Variants in FARS2 observed in about 807,000 individuals in gnomAD.
The protein encoded by FARS2 is phenylalanine--tRNA ligase, mitochondrial.
In FARS2, 40 loss-of-function variants were observed where a neutral mutation model predicts 46.4. That is an observed-to-expected ratio of 0.86 (90% CI 0.67 to 1.12). The LOEUF is 1.12. Ranked by LOEUF, FARS2 falls within the 50% of genes most tolerant of loss-of-function variation. The pLI, the probability that FARS2 is intolerant of heterozygous loss-of-function variation, is 0.00. For missense variants in FARS2, 513 were observed against 567.9 expected (o/e 0.90, Z 0.98); for synonymous variants, 234 against 214.9 (o/e 1.09, Z -0.78).
chr6:5,594,620 C>G (rs1774096516), intron 5 of FARS2, among the ~76,000 whole-genome samples: 1 of 152,134 alleles, frequency 6.6e-6, no homozygotes, highest in African/African-American at 2.4e-5. Context: ...CACCCTGGGG[C>G]TGAGGGAACA....
At chr6:5,371,275 G>GT in intron 2 of FARS2, 4 of 656,778 alleles carry the variant, frequency 6.1e-6, no homozygotes, top group Non-Finnish European at 7.6e-6. Context: ...TAAACAAAAT[G>GT]TTTTTTCGTC....
At position 5,771,409 on chromosome 6, in the gene FARS2, G is replaced by T; in HGVS notation, c.1336G>T (p.Gly446Cys). ...ALQEAAVQLLGVEGRF is the reference protein window; with the variant it reads ...ALQEAAVQLLCVEGRF ...GCAGGAGGCTGCAGTCCAGCTGTTG[G>T]GTGTGGAGGGCAGGTTCTGATGTCA... is the stretch of plus-strand genomic sequence containing the variant. Residue 446 changes from glycine to cysteine, a missense_variant, in exon 7 of 7, where the codon GGT (glycine) becomes TGT (cysteine). Gly to Cys is a radical substitution (Grantham distance 159). Transcript: ENST00000274680. 6.2e-7 allele frequency: 1 copy of T among 1,614,098 alleles called. No homozygotes were observed. Among genetic ancestry groups the T allele is most frequent in the Non-Finnish European group, 8.5e-7 (1 of 1,179,998 alleles).
At chr6:5,387,263 A>G (rs1008174426) in intron 2 of FARS2, among the ~76,000 whole-genome samples, 1 of 152,204 alleles carries the variant, frequency 6.6e-6, no homozygotes, top group African/African-American at 2.4e-5. Flanking sequence ...GTGACGGGAT[A>G]GGGTATATCC....
intron 6 of FARS2, among the ~76,000 whole-genome samples, chr6:5,651,980 T>C (rs75322836): frequency 0.043 from 6,480 of 152,120 alleles, 313 homozygotes; most frequent in African/African-American, 0.11. Flanking sequence ...AAACAGAACG[T>C]TGCACAGAGA....
intron 6 of FARS2, among the ~76,000 whole-genome samples, chr6:5,761,289 A>G (rs1362551205): frequency 6.6e-6 from 1 of 152,194 alleles, no homozygotes; most frequent in Non-Finnish European, 1.5e-5. Context: ...GTGGATTGTA[A>G]TATAGCCTAA....
chr6:5,258,158 C>A (rs900295529), upstream of FARS2, among the ~76,000 whole-genome samples: 1 of 152,178 alleles, frequency 6.6e-6, no homozygotes, highest in Non-Finnish European at 1.5e-5. Context: ...ACAGGATGCA[C>A]ATGTGGGACT....
intron 1 of FARS2, among the ~76,000 whole-genome samples, chr6:5,324,006 C>G: frequency 6.6e-6 from 1 of 152,272 alleles, no homozygotes; most frequent in East Asian, 1.9e-4. Context: ...CATTCCAACC[C>G]TGTCCTAAAA....
intron 1 of FARS2, among the ~76,000 whole-genome samples, chr6:5,319,560 A>C (rs1002121631): frequency 6.6e-6 from 1 of 152,216 alleles, no homozygotes; most frequent in Admixed American, 6.5e-5. Flanking sequence ...GACAGTGCTG[A>C]TGGATCTCTC....
At chr6:5,719,570 C>A (rs952771019) in intron 6 of FARS2, among the ~76,000 whole-genome samples, 5 of 152,190 alleles carry the variant, frequency 3.3e-5, no homozygotes, top group East Asian at 1.9e-4. Flanking sequence ...TCAGGTAAGG[C>A]AGTTGCGAGG....
At chr6:5,386,745 G>A (rs1039199647) in intron 2 of FARS2, among the ~76,000 whole-genome samples, 33 of 152,206 alleles carry the variant, frequency 2.2e-4, no homozygotes, top group Non-Finnish European at 7.3e-5. Context: ...GTCTCAGGAA[G>A]AGAAATGTGT....
At chr6:5,559,922 A>G (rs1403353209) in intron 5 of FARS2, among the ~76,000 whole-genome samples, 1 of 152,098 alleles carries the variant, frequency 6.6e-6, no homozygotes, top group East Asian at 1.9e-4. Flanking sequence ...GAGCAGGGAT[A>G]ATTGGGTGTC....
chr6:5,374,641 T>G (rs9378946), intron 2 of FARS2, among the ~76,000 whole-genome samples: 33,470 of 151,900 alleles, frequency 0.22, 4,559 homozygotes, highest in East Asian at 0.29. Flanking sequence ...GAAAGAAAAC[T>G]TTTGAAGTTT....
chr6:5,661,548 G>C (rs1048988466), intron 6 of FARS2, among the ~76,000 whole-genome samples: 2 of 152,180 alleles, frequency 1.3e-5, no homozygotes, highest in Non-Finnish European at 2.9e-5. Flanking sequence ...GGAAGAGCCA[G>C]GGTGTGTGAG....
At chr6:5,678,992 C>T (rs914187372) in intron 6 of FARS2, among the ~76,000 whole-genome samples, 3 of 152,136 alleles carry the variant, frequency 2.0e-5, no homozygotes, top group South Asian at 4.1e-4. Context: ...TTGTCTTGAT[C>T]CAGAAGTGGT....
intron 5 of FARS2, among the ~76,000 whole-genome samples, chr6:5,596,022 A>G (rs1334965998): frequency 1.3e-5 from 2 of 152,150 alleles, no homozygotes; most frequent in African/African-American, 4.8e-5. Context: ...TGTAATTTAT[A>G]AGGGTTTTAA....
At chr6:5,417,169 G>T (rs779317093) in intron 3 of FARS2, among the ~76,000 whole-genome samples, 1 of 151,962 alleles carries the variant, frequency 6.6e-6, no homozygotes, top group Non-Finnish European at 1.5e-5. Flanking sequence ...CTTTATTTTT[G>T]AGATATTTTC....
At chr6:5,578,698 A>G (rs1773134766) in intron 5 of FARS2, among the ~76,000 whole-genome samples, 1 of 151,454 alleles carries the variant, frequency 6.6e-6, no homozygotes, top group East Asian at 1.9e-4. Context: ...AGTCCCAGCT[A>G]CTTGGGAGGC....
intron 5 of FARS2, among the ~76,000 whole-genome samples, chr6:5,565,581 T>C (rs956803189): frequency 6.6e-6 from 1 of 152,236 alleles, no homozygotes; most frequent in African/African-American, 2.4e-5. Flanking sequence ...AACTTTACCA[T>C]TAATTATGAT....
chr6:5,341,226 T>TATATAG (rs1659929774), intron 1 of FARS2, among the ~76,000 whole-genome samples: 1 of 7,842 alleles, frequency 1.3e-4, no homozygotes, highest in Non-Finnish European at 2.3e-4. Context: ...TATATATATA[T>TATATAG]ATATATATAT....
Sources: allele counts gnomAD v4.1 joint callset (sites outside exome capture counted in the v4.1 genomes callset), GRCh38; gene constraint gnomAD v4.1.1; transcripts MANE v1.5; gene names NCBI Gene and HGNC (gene_info 2026-07-23, HGNC 2026-07-21).